KYAT3: variants seen among roughly 807,000 people sequenced by gnomAD.
KYAT3 encodes kynurenine aminotransferase 3, also known as kynurenine--oxoglutarate transaminase 3.
Under a neutral mutation model 59.0 loss-of-function variants are expected in KYAT3, and 50 were observed. The observed-to-expected ratio is 0.85, with a 90% confidence interval of 0.68 to 1.07. KYAT3 has a LOEUF of 1.07. KYAT3 is among the 50% of genes least tolerant of loss of function. KYAT3 has a pLI of 0.00. For synonymous variants in KYAT3, 148 were observed against 177.0 expected (o/e 0.84, Z 1.30); for missense variants, 497 against 533.3 (o/e 0.93, Z 0.67).
At chr1:88,953,905 C>CTTTTT (rs35781634) in intron 9 of KYAT3, among the ~76,000 whole-genome samples, 1 of 141,216 alleles carries the variant, frequency 7.1e-6, no homozygotes, top group African/African-American at 2.6e-5. Context: ...TCTTCTTCTT[C>CTTTTT]TTTTTTTTTT....
At chr1:88,960,572 G>T (rs542899995) in intron 8 of KYAT3, among the ~76,000 whole-genome samples, 1 of 152,188 alleles carries the variant, frequency 6.6e-6, no homozygotes, top group East Asian at 1.9e-4. Context: ...GGAGGTGAAG[G>T]ATATTTGAAG....
chr1:88,983,478 C>T, intron 2 of KYAT3: 6 of 1,614,118 alleles, frequency 3.7e-6, no homozygotes, highest in Non-Finnish European at 5.1e-6. Flanking sequence ...CTGGTTCCTC[C>T]ACTTCCTCCT....
chr1:88,972,837 A>T (rs778293149), intron 2 of KYAT3, among the ~76,000 whole-genome samples: 1 of 152,216 alleles, frequency 6.6e-6, no homozygotes, highest in Non-Finnish European at 1.5e-5. Flanking sequence ...CCAGCAGGGA[A>T]CAGCAGCAAA....
chr1:88,958,056 C>T (rs542657401), intron 8 of KYAT3, among the ~76,000 whole-genome samples: 28 of 152,298 alleles, frequency 1.8e-4, no homozygotes, highest in Non-Finnish European at 3.8e-4. Flanking sequence ...ATTTTGATGA[C>T]TGCCAAAAAT....
At chr1:88,947,206 A>G (rs1321454882) in intron 11 of KYAT3, among the ~76,000 whole-genome samples, 2 of 152,002 alleles carry the variant, frequency 1.3e-5, no homozygotes, top group African/African-American at 2.4e-5. Context: ...TCACAGCCTG[A>G]CACCATGAGC....
chr1:88,946,339 T>A (rs201857231), intron 11 of KYAT3, among the ~76,000 whole-genome samples: 4 of 130,710 alleles, frequency 3.1e-5, no homozygotes, highest in Admixed American at 7.8e-5. Context: ...TTTTTTTTTT[T>A]AATTTAAGAG....
chr1:88,939,750 T>C (rs1229500095), intron 13 of KYAT3, among the ~76,000 whole-genome samples: 1 of 152,212 alleles, frequency 6.6e-6, no homozygotes, highest in Non-Finnish European at 1.5e-5. Context: ...AAGTATTTAG[T>C]GTTCTTTGTG....
intron 2 of KYAT3, chr1:88,983,933 G>A: frequency 2.4e-6 from 3 of 1,244,846 alleles, no homozygotes; most frequent in South Asian, 2.4e-5. Flanking sequence ...CTGTCAGTTA[G>A]GAGGACTGAA....
At chr1:88,985,305 C>G (rs1200143973) in intron 2 of KYAT3, among the ~76,000 whole-genome samples, 1 of 152,192 alleles carries the variant, frequency 6.6e-6, no homozygotes, top group Non-Finnish European at 1.5e-5. Context: ...TGTGTAATCT[C>G]AGCTCCCCCA....
intron 13 of KYAT3, among the ~76,000 whole-genome samples, chr1:88,939,120 A>G (rs534027741): frequency 6.6e-4 from 101 of 152,246 alleles, no homozygotes; most frequent in African/African-American, 2.3e-3. Flanking sequence ...TAAGAGATAA[A>G]ATTTCTTTGC....
chr1:88,934,718 T>A (rs1411655096), downstream of KYAT3, among the ~76,000 whole-genome samples: 1 of 152,080 alleles, frequency 6.6e-6, no homozygotes, highest in Non-Finnish European at 1.5e-5. Flanking sequence ...GACAATGAAG[T>A]CAAGGCTAGA....
In KYAT3 at chr1:88,982,921, T is replaced by C. The variant is rs372937970; in HGVS notation, c.99+5331A>G. 16 of 1,612,608 alleles carry C rather than the reference T, an allele frequency of 9.9e-6. No homozygotes were observed. In the East Asian group the frequency reaches 1.3e-4, roughly 13 times the overall value. On this transcript the variant is annotated intron_variant, in intron 2 of 13. Transcript: ENST00000260508. ...CATAGCGACTGCTTCCACCATAAGA[T>C]GGCGGGGGCCCTCGTGTAAGTGGAG...
At chr1:88,926,999 C>T in the KYAT3 span, among the ~76,000 whole-genome samples, 40 of 152,154 alleles carry the variant, frequency 2.6e-4, no homozygotes, top group African/African-American at 8.7e-4. Context: ...TCCAGCAGCC[C>T]GGACCCATTT....
chr1:88,924,803 C>G, the KYAT3 span, among the ~76,000 whole-genome samples: 1 of 152,216 alleles, frequency 6.6e-6, no homozygotes, highest in Admixed American at 6.5e-5. Context: ...TGGCTAAGTG[C>G]CCGGGTTCAT....
At chr1:88,940,841 C>A (rs1675209587) in intron 13 of KYAT3, among the ~76,000 whole-genome samples, 2 of 152,160 alleles carry the variant, frequency 1.3e-5, no homozygotes, top group African/African-American at 4.8e-5. Flanking sequence ...GAAGTTCCTG[C>A]TGCCAGTGCA....
chr1:88,961,738 A>G (rs7527613), intron 6 of KYAT3, among the ~76,000 whole-genome samples: 4,942 of 152,276 alleles, frequency 0.032, 242 homozygotes, highest in African/African-American at 0.11. Flanking sequence ...AGCCTAAGAA[A>G]ACCTAAGTCT....
At chr1:88,969,607 C>A (rs1454059068) in intron 2 of KYAT3, 140 bp from the exon 3 acceptor site, 2 of 580,952 alleles carry the variant, frequency 3.4e-6, no homozygotes, top group Non-Finnish European at 6.2e-6. Flanking sequence ...GACTCCAACA[C>A]AAAATTCTGA....
downstream of KYAT3, among the ~76,000 whole-genome samples, chr1:88,933,075 C>T (rs1317026382): frequency 6.6e-6 from 1 of 152,176 alleles, no homozygotes; most frequent in Non-Finnish European, 1.5e-5. Context: ...TCCTTTAAAT[C>T]TGCTTCCATG....
At chr1:88,958,970 A>C (rs891151613) in intron 8 of KYAT3, among the ~76,000 whole-genome samples, 20 of 152,160 alleles carry the variant, frequency 1.3e-4, no homozygotes, top group Non-Finnish European at 2.6e-4. Flanking sequence ...CCAGTTACTA[A>C]AACACACCCT....
Sources: gnomAD v4.1 joint callset for allele counts (sites outside exome capture counted in the v4.1 genomes callset) on GRCh38, gnomAD v4.1.1 for gene constraint, MANE v1.5 for transcripts, NCBI Gene and HGNC (gene_info 2026-07-23, HGNC 2026-07-21) for gene names.